The following BEGAIN variants were observed in gnomAD, a reference collection of about 807,000 sequenced individuals.
The protein encoded by BEGAIN is brain enriched guanylate kinase associated.
In BEGAIN, 19 loss-of-function variants were observed where a neutral mutation model predicts 35.8. The observed-to-expected ratio is 0.53, with a 90% CI of 0.37 to 0.78. The LOEUF is 0.78. Among genes scored for constraint, BEGAIN ranks in the 30% least tolerant of loss-of-function variants. The pLI, the probability that BEGAIN is intolerant of heterozygous loss-of-function variation, is 0.00. For synonymous variants in BEGAIN, 462 were observed against 388.6 expected (o/e 1.19, Z -2.22); for missense variants, 795 against 853.6 (o/e 0.93, Z 0.85).
rs549766505 is a variant in BEGAIN at position 100,558,387 on chromosome 14, C to G, written c.71+9524G>C. On this transcript the variant is annotated intron_variant, in intron 2 of 6. Transcript: ENST00000554140. The surrounding 1 kb of genome is among the most constrained non-coding windows in gnomAD (Gnocchi z 4.6). ...CTCCCACCCTCACTGCGCTCTCCGG[C>G]TGCCCCTTCTCAGGCTCCTCTGTGG... Among the ~76,000 whole-genome samples, 37 of 152,326 alleles carry G rather than the reference C, an allele frequency of 2.4e-4. 1 individual carries two copies. The East Asian group carries it at 7.1e-3, about 29-fold the overall frequency.
intron 2 of BEGAIN, among the ~76,000 whole-genome samples, chr14:100,553,653 TGTG>T (rs910450318): frequency 6.6e-6 from 1 of 152,124 alleles, no homozygotes; most frequent in African/African-American, 2.4e-5. Flanking sequence ...TCTCCTCTGT[TGTG>T]AGGCTTTGCT....
At chr14:100,555,894 G>A (rs1450786477) in intron 2 of BEGAIN, among the ~76,000 whole-genome samples, 6 of 152,180 alleles carry the variant, frequency 3.9e-5, no homozygotes, top group Non-Finnish European at 5.9e-5. Flanking sequence ...GACTCCACCC[G>A]CACAGAGAGG....
chr14:100,557,762 G>A (rs1321481503), intron 2 of BEGAIN, among the ~76,000 whole-genome samples: 6 of 152,042 alleles, frequency 3.9e-5, no homozygotes, highest in African/African-American at 1.4e-4. Flanking sequence ...CATTCCCCTC[G>A]ACTTTCCTGG....
At chr14:100,561,538 C>T (rs2139657114) in intron 2 of BEGAIN, among the ~76,000 whole-genome samples, 1 of 152,238 alleles carries the variant, frequency 6.6e-6, no homozygotes, top group South Asian at 2.1e-4. Flanking sequence ...CACTTGAGCC[C>T]AGGAGTTGGA....
chr14:100,564,764 G>A (rs2034556334), intron 2 of BEGAIN, among the ~76,000 whole-genome samples: 1 of 152,074 alleles, frequency 6.6e-6, no homozygotes, highest in African/African-American at 2.4e-5. Flanking sequence ...AACACCAGGG[G>A]CCAGACCCCG....
At position 100,577,835 on chromosome 14, in the gene BEGAIN, G is replaced by T. The variant is rs960736854; in HGVS notation, c.42+9414C>A. 1.8e-4 allele frequency: 71 copies of T among 399,304 alleles called. 1 individual carries two copies. The highest frequency in any genetic ancestry group is 5.7e-5 in the Non-Finnish European group (13 of 226,372). The allele number at this position is 399,304 out of a possible 1,614,324, so 24.7% of individuals were successfully genotyped here. On this transcript the variant is annotated intron_variant, in intron 1 of 6. Coordinates refer to ENST00000554140, the MANE Select transcript of BEGAIN (RefSeq NM_001385089.1). ...CTTGGCATGTGGCTTCGAAGGTCCTGTCTGTGAGCTTCCTTGATGGGGGCT... is the reference window on the plus strand; with the variant it reads ...CTTGGCATGTGGCTTCGAAGGTCCTTTCTGTGAGCTTCCTTGATGGGGGCT...
intron 2 of BEGAIN, among the ~76,000 whole-genome samples, chr14:100,557,550 C>T (rs1475204586): frequency 6.6e-6 from 1 of 152,168 alleles, no homozygotes; most frequent in Admixed American, 6.5e-5. Context: ...TCTCACAGCC[C>T]CTCACTGGCC....
In BEGAIN at chr14:100,568,008, C is replaced by G. The variant is rs1254871510; in HGVS notation, c.43-69G>C. ...GCTCCGCGGCCGCGCCGGGCAGAGC[C>G]GGGCACAGCGGGCACGGCCGGGCAA... On this transcript the variant is annotated intron_variant, in intron 1 of 6. Transcript: ENST00000554140. The surrounding 1 kb of genome is among the most constrained non-coding windows in gnomAD (Gnocchi z 7.5). 1.5e-6 allele frequency: 2 copies of G among 1,315,000 alleles called. No individual in the cohort carries two copies. The highest frequency in any genetic ancestry group is 1.7e-5 in the South Asian group (1 of 60,462). The allele number at this position is 1,315,000 out of a possible 1,614,324, so 81.5% of individuals were successfully genotyped here.
In BEGAIN at chr14:100,539,181, C is replaced by T. The variant is rs185162348; in HGVS notation, c.627G>A (p.Pro209=). The T allele has an allele frequency of 3.7e-5, 59 of 1,580,716 alleles. No individual in the cohort carries two copies. Among genetic ancestry groups the T allele is most frequent in the Admixed American group, 1.0e-4 (6 of 57,470 alleles). ...TCVIAKVLEK[P]DPASLSSRLS... ...GGCGGGAGGACAGGCTGGCGGGGTC[C>T]GGCTTCTCCAGCACCTTGGCAATGA... Residue 209 remains proline, a synonymous_variant, in exon 7 of 7, where the codon CCG becomes CCA. Coordinates refer to ENST00000554140, the MANE Select transcript of BEGAIN (RefSeq NM_001385089.1).
intron 2 of BEGAIN, chr14:100,550,585 CA>C (rs948049889): frequency 1.5e-5 from 6 of 398,424 alleles, no homozygotes; most frequent in Non-Finnish European, 1.3e-5. Flanking sequence ...GGCCCACCAT[CA>C]GGGGCACAGC....
At chr14:100,569,084 GC>G in intron 1 of BEGAIN, 1 of 317,922 alleles carries the variant, frequency 3.1e-6, no homozygotes, top group Non-Finnish European at 4.6e-6. Context: ...GCCAGGCTCG[GC>G]CACCAACTTC....
At chr14:100,582,550 G>A (rs1259549629) in intron 1 of BEGAIN, among the ~76,000 whole-genome samples, 4 of 152,158 alleles carry the variant, frequency 2.6e-5, no homozygotes, top group Admixed American at 6.5e-5. Context: ...GATTTTCCAC[G>A]CTGGCCTCAG....
chr14:100,553,752 G>C (rs2033433804), intron 2 of BEGAIN, among the ~76,000 whole-genome samples: 1 of 152,190 alleles, frequency 6.6e-6, no homozygotes, highest in Non-Finnish European at 1.5e-5. Context: ...CCCTCACCTT[G>C]GACTGCCTGT....
intron 1 of BEGAIN, among the ~76,000 whole-genome samples, chr14:100,579,207 T>A (rs1173542536): frequency 6.6e-6 from 1 of 152,214 alleles, no homozygotes; most frequent in Non-Finnish European, 1.5e-5. Context: ...CCTCTTGTCT[T>A]TAAGCTATGG....
rs994501169 is a variant in BEGAIN at position 100,579,870 on chromosome 14, T to G, written c.42+7379A>C. On this transcript the variant is annotated intron_variant, in intron 1 of 6. Coordinates refer to ENST00000554140, the MANE Select transcript of BEGAIN (RefSeq NM_001385089.1). Reference sequence around the variant, plus strand: ...CCTTTCTCAGGCCTGGCCACCTCCCTGCATCCTCACCATCACTTTGCTGGT... The same window carrying G: ...CCTTTCTCAGGCCTGGCCACCTCCCGGCATCCTCACCATCACTTTGCTGGT... Among the ~76,000 whole-genome samples, 3 of 152,212 alleles carry G rather than the reference T, an allele frequency of 2.0e-5. 1 individual carries two copies. Among genetic ancestry groups the G allele is most frequent in the African/African-American group, 7.2e-5 (3 of 41,456 alleles).
intron 2 of BEGAIN, chr14:100,548,083 C>T (rs529381507): frequency 5.9e-5 from 9 of 152,270 alleles, no homozygotes; most frequent in East Asian, 3.9e-4. Context: ...AAGGGCAGGG[C>T]GGGTCTTCCC....
chr14:100,540,137 C>T (rs1315072632), intron 6 of BEGAIN: 14 of 246,660 alleles, frequency 5.7e-5, no homozygotes, highest in Middle Eastern at 1.3e-3. Flanking sequence ...TAGGCACTGC[C>T]GGTCATCGTG....
At chr14:100,540,266 G>A (rs2031392491) in intron 6 of BEGAIN, 2 of 551,102 alleles carry the variant, frequency 3.6e-6, no homozygotes, top group African/African-American at 1.9e-5. Flanking sequence ...CAGCCGGGGT[G>A]GGCCAAAGGG....
chr14:100,566,902 C>A (rs2034729039), intron 2 of BEGAIN, among the ~76,000 whole-genome samples: 1 of 152,200 alleles, frequency 6.6e-6, no homozygotes, highest in African/African-American at 2.4e-5. Flanking sequence ...AGGCTCCCAC[C>A]TGGGTGTTTC....
Sources: gnomAD v4.1 joint callset for allele counts (sites outside exome capture counted in the v4.1 genomes callset) on GRCh38, gnomAD v4.1.1 for gene constraint, Gnocchi (gnomAD v3.1) non-coding constraint, MANE v1.5 for transcripts, NCBI Gene and HGNC (gene_info 2026-07-23, HGNC 2026-07-21) for gene names.